ARHGEF3: variants seen among roughly 807,000 people sequenced by gnomAD.
ARHGEF3 encodes the protein Rho guanine nucleotide exchange factor 3.
A neutral mutation model predicts 63.2 loss-of-function variants in ARHGEF3; 28 were observed. The ratio of observed to expected loss-of-function variants is 0.44; its 90% CI spans 0.33 to 0.61. ARHGEF3 has a LOEUF of 0.61. Ranked by LOEUF, ARHGEF3 falls within the 20% of genes least tolerant of loss-of-function variation. The pLI, the probability that ARHGEF3 is intolerant of heterozygous loss-of-function variation, is 0.03. For missense variants in ARHGEF3, 533 were observed against 659.3 expected (o/e 0.81, Z 2.10); for synonymous variants, 266 against 254.2 (o/e 1.05, Z -0.44).
rs542037261 is a variant in ARHGEF3 at position 56,958,082 on chromosome 3, TCTC to T, written c.129+738_129+740del. ...AAAATCTGTTTAAAGCTTACAGACT[TCTC>T]CTTCTGGAAAACAAAGCTCCCTGTG... On this transcript the variant is annotated intron_variant, in intron 3 of 12. Coordinates refer to the ARHGEF3 transcript ENST00000338458. Among the ~76,000 whole-genome samples the T allele has an allele frequency of 1.0e-3, 153 of 152,260 alleles. 1 individual carries two copies. The highest frequency in any genetic ancestry group is 3.6e-3 in the African/African-American group (148 of 41,556).
intron 2 of ARHGEF3, among the ~76,000 whole-genome samples, chr3:57,003,356 T>A (rs111834004): frequency 2.4e-5 from 3 of 127,162 alleles, no homozygotes; most frequent in African/African-American, 9.2e-5. Context: ...GGAGCTGAGA[T>A]CGCACCGCTG....
At chr3:56,968,330 A>G (rs1362814450) in intron 2 of ARHGEF3, among the ~76,000 whole-genome samples, 2 of 55,510 alleles carry the variant, frequency 3.6e-5, no homozygotes, top group Non-Finnish European at 7.2e-5. Flanking sequence ...TTTTATATAT[A>G]TATAATATAT....
At chr3:56,742,316 C>T (rs2034089157) in intron 7 of ARHGEF3, among the ~76,000 whole-genome samples, 1 of 152,076 alleles carries the variant, frequency 6.6e-6, no homozygotes. Context: ...TATCCAAACT[C>T]CTATTTTAAG....
chr3:56,821,762 G>C (rs1433056027), intron 4 of ARHGEF3, among the ~76,000 whole-genome samples: 1 of 152,082 alleles, frequency 6.6e-6, no homozygotes, highest in Non-Finnish European at 1.5e-5. Context: ...TCAGAAGTTT[G>C]AGACCAGCCT....
chr3:56,842,118 T>C (rs2039332641), intron 4 of ARHGEF3, among the ~76,000 whole-genome samples: 1 of 152,168 alleles, frequency 6.6e-6, no homozygotes, highest in Non-Finnish European at 1.5e-5. Context: ...ACCAAGTTAG[T>C]TATGGAGGCA....
chr3:56,755,709 G>C (rs531519414), intron 2 of ARHGEF3, among the ~76,000 whole-genome samples: 7 of 152,176 alleles, frequency 4.6e-5, no homozygotes, highest in African/African-American at 1.4e-4. Flanking sequence ...CATGAGTTAC[G>C]GGAGAAAGGA....
chr3:56,992,973 A>C (rs1701824383), intron 2 of ARHGEF3, among the ~76,000 whole-genome samples: 1 of 152,122 alleles, frequency 6.6e-6, no homozygotes, highest in Non-Finnish European at 1.5e-5. Context: ...AGCTGGGATT[A>C]CAGCTGCATG....
chr3:56,945,688 C>A (rs901516993), intron 3 of ARHGEF3, among the ~76,000 whole-genome samples: 4 of 152,256 alleles, frequency 2.6e-5, no homozygotes, highest in Non-Finnish European at 5.9e-5. Flanking sequence ...CCTCTGTAGA[C>A]TCCACCTCTA....
At chr3:56,918,605 C>T (rs1253005796) in intron 3 of ARHGEF3, among the ~76,000 whole-genome samples, 7 of 152,178 alleles carry the variant, frequency 4.6e-5, no homozygotes, top group East Asian at 1.9e-4. Flanking sequence ...AAACAGGGCA[C>T]GGCCGTCTCC....
rs187430380 is a variant in ARHGEF3 at position 56,851,884 on chromosome 3, C to G, written c.192+30408G>C. 8.7e-4 allele frequency among the ~76,000 whole-genome samples: 132 copies of G among 152,328 alleles called. 1 individual carries two copies. Among genetic ancestry groups the G allele is most frequent in the Non-Finnish European group, 8.8e-5 (6 of 68,026 alleles). ...TCAGCCTCCCAAAGGGCTGCAATTA[C>G]AGGTACGAGTTACCATGCCTGGTCT... is the stretch of plus-strand genomic sequence containing the variant. On this transcript the variant is annotated intron_variant, in intron 4 of 12. Coordinates refer to the ARHGEF3 transcript ENST00000338458.
At chr3:56,955,345 G>A (rs1221933695) in intron 3 of ARHGEF3, among the ~76,000 whole-genome samples, 1 of 150,392 alleles carries the variant, frequency 6.6e-6, no homozygotes, top group Non-Finnish European at 1.5e-5. Context: ...ACAGGAATAG[G>A]TCATCACGCC....
chr3:56,983,835 C>T (rs1332818747), intron 2 of ARHGEF3, among the ~76,000 whole-genome samples: 2 of 150,404 alleles, frequency 1.3e-5, no homozygotes, highest in Non-Finnish European at 3.0e-5. Context: ...ACTCGGAAGG[C>T]TGAGGCAGGA....
At chr3:56,899,468 C>T (rs1028236938) in intron 3 of ARHGEF3, among the ~76,000 whole-genome samples, 1 of 152,156 alleles carries the variant, frequency 6.6e-6, no homozygotes, top group African/African-American at 2.4e-5. Flanking sequence ...TACAAAGAGG[C>T]TCAGACAATA....
chr3:56,786,967 T>G (rs2107899868), intron 1 of ARHGEF3, among the ~76,000 whole-genome samples: 1 of 152,168 alleles, frequency 6.6e-6, no homozygotes, highest in East Asian at 1.9e-4. Context: ...AATAAAAGTT[T>G]CCAGAAAAGA....
chr3:56,858,095 T>G (rs1052207930), intron 4 of ARHGEF3, among the ~76,000 whole-genome samples: 1 of 151,868 alleles, frequency 6.6e-6, no homozygotes, highest in African/African-American at 2.4e-5. Context: ...AATACAAAAA[T>G]TAGCCAGGCA....
At chr3:56,819,355 T>C (rs1163491837) in intron 4 of ARHGEF3, among the ~76,000 whole-genome samples, 1 of 152,186 alleles carries the variant, frequency 6.6e-6, no homozygotes, top group Non-Finnish European at 1.5e-5. Flanking sequence ...TCCTTCTCCA[T>C]GTTTTAAAAT....
chr3:56,945,077 G>T (rs895995790), intron 3 of ARHGEF3, among the ~76,000 whole-genome samples: 1 of 152,168 alleles, frequency 6.6e-6, no homozygotes, highest in Non-Finnish European at 1.5e-5. Flanking sequence ...TTCATGAAAG[G>T]AAAGAGTCAA....
rs1700716599 is a variant in ARHGEF3 at position 56,968,212 on chromosome 3, AT to A, written c.63-9324del. 1.1e-3 allele frequency among the ~76,000 whole-genome samples: 25 copies of A among 23,244 alleles called. No homozygotes were observed. The South Asian group carries it at 0.022, about 20-fold the overall frequency. 15.2% of individuals were successfully genotyped at this position (23,244 alleles called of 152,430 possible). ...TATTATATATAATATATAAAAATAT[AT>A]ATTATATATAATATATATATAAATA... On this transcript the variant is annotated intron_variant, in intron 2 of 12. Coordinates refer to the ARHGEF3 transcript ENST00000338458.
intron 3 of ARHGEF3, chr3:56,958,810 G>A (rs574883935): frequency 2.6e-6 from 4 of 1,549,588 alleles, no homozygotes; most frequent in Non-Finnish European, 3.5e-6. Context: ...GGGCTACCCA[G>A]GGCAACACTT....
Sources: allele counts gnomAD v4.1 joint callset (sites outside exome capture counted in the v4.1 genomes callset), GRCh38; gene constraint gnomAD v4.1.1; transcripts MANE v1.5; gene names NCBI Gene and HGNC (gene_info 2026-07-23, HGNC 2026-07-21).